Variants in UGGT2 observed in about 807,000 individuals in gnomAD.
UGGT2 encodes UDP-glucose glycoprotein glucosyltransferase 2.
A neutral mutation model predicts 192.1 loss-of-function variants in UGGT2; 180 were observed. That is an observed-to-expected ratio of 0.94 (90% CI 0.83 to 1.06). The LOEUF (loss-of-function observed/expected upper bound fraction) is 1.06, where lower values mean the gene tolerates loss of function less well. Among genes scored for constraint, UGGT2 ranks in the 50% least tolerant of loss-of-function variants. UGGT2 has a pLI of 0.00. For synonymous variants in UGGT2, 580 were observed against 591.0 expected (o/e 0.98, Z 0.27); for missense variants, 1,849 against 1,795.7 (o/e 1.03, Z -0.54).
chr13:95,918,088 C>G (rs1594322777), intron 20 of UGGT2, among the ~76,000 whole-genome samples: 4 of 152,328 alleles, frequency 2.6e-5, no homozygotes, highest in Admixed American at 2.6e-4. Context: ...AATATACATT[C>G]TTCTCATTGC....
chr13:95,883,019 T>C (rs1428126737), intron 27 of UGGT2, among the ~76,000 whole-genome samples: 1 of 152,148 alleles, frequency 6.6e-6, no homozygotes, highest in African/African-American at 2.4e-5. Flanking sequence ...TCATTAATGC[T>C]ATTAGTTTGC....
rs12863903 is a variant in UGGT2, at chr13:95,986,397, C to A, written c.967G>T (p.Ala323Ser). Residue 323 changes from alanine (A) to serine (S), a missense_variant, in exon 9 of 39, where the codon GCT becomes TCT. By Grantham distance (99) the Ala-to-Ser change is moderately conservative. Coordinates refer to ENST00000376747, the MANE Select transcript of UGGT2 (RefSeq NM_020121.4). ...AATTTAATGGAATCATAAACTGGAG[C>A]GGACATTATTTGAGAAGCTGCTTGA... Reference protein sequence around the residue: ...SFQAASQIMSAPVYDSIKLMK... With the variant: ...SFQAASQIMSSPVYDSIKLMK... 1.3e-6 allele frequency: 2 copies of A among 1,598,618 alleles called. No homozygotes were observed. The highest frequency in any genetic ancestry group is 2.3e-5 in the East Asian group (1 of 44,426).
chr13:95,850,130 T>C (rs1357697350), intron 36 of UGGT2, among the ~76,000 whole-genome samples: 2 of 152,186 alleles, frequency 1.3e-5, no homozygotes, highest in Non-Finnish European at 2.9e-5. Flanking sequence ...TCTTTTCTAA[T>C]GGAAGTTCTT....
At chr13:95,884,749 A>C in intron 26 of UGGT2, 69 bp from the exon 27 acceptor site, 3 of 1,421,594 alleles carry the variant, frequency 2.1e-6, no homozygotes, top group Non-Finnish European at 2.8e-6. Context: ...TATTTTCAAA[A>C]TTGAAAATTG....
At chr13:95,862,873 T>A (rs1049236329) in intron 31 of UGGT2, among the ~76,000 whole-genome samples, 2 of 152,136 alleles carry the variant, frequency 1.3e-5, no homozygotes, top group Non-Finnish European at 2.9e-5. Context: ...TATGTATGTT[T>A]CTTTTTCGAG....
intron 38 of UGGT2, among the ~76,000 whole-genome samples, chr13:95,825,510 G>A (rs547568196): frequency 1.3e-5 from 2 of 152,270 alleles, no homozygotes; most frequent in East Asian, 3.9e-4. Flanking sequence ...GCATGTTGAT[G>A]TTCTAAGGAG....
intron 38 of UGGT2, among the ~76,000 whole-genome samples, chr13:95,805,031 C>G (rs1429687114): frequency 6.6e-6 from 1 of 151,970 alleles, no homozygotes; most frequent in African/African-American, 2.4e-5. Context: ...ATCTGCAAAT[C>G]ATGTATCTGA....
intron 8 of UGGT2, among the ~76,000 whole-genome samples, chr13:95,986,800 GAA>G: frequency 6.6e-6 from 1 of 152,154 alleles, no homozygotes; most frequent in East Asian, 1.9e-4. Flanking sequence ...AGCCAATTCT[GAA>G]AAGACCTCTA....
At chr13:95,925,823 AAAAC>A in intron 19 of UGGT2, 49 bp from the exon 20 acceptor site, 1 of 1,352,930 alleles carries the variant, frequency 7.4e-7, no homozygotes, top group East Asian at 2.4e-5. Context: ...TTTAAAAAAT[AAAAC>A]AAAAGCAGGG....
At chr13:96,006,181 T>C (rs549812999) in intron 5 of UGGT2, among the ~76,000 whole-genome samples, 4 of 152,142 alleles carry the variant, frequency 2.6e-5, no homozygotes, top group Admixed American at 2.6e-4. Flanking sequence ...ATGAAAAAAG[T>C]AGAACATATG....
At chr13:95,928,200 C>T (rs1255205605) in intron 17 of UGGT2, among the ~76,000 whole-genome samples, 7 of 151,794 alleles carry the variant, frequency 4.6e-5, no homozygotes, top group African/African-American at 7.3e-5. Context: ...GACGGGGTGG[C>T]GGCCGGGCAG....
At chr13:95,936,442 G>A (rs2049465365) in intron 17 of UGGT2, among the ~76,000 whole-genome samples, 1 of 152,204 alleles carries the variant, frequency 6.6e-6, no homozygotes, top group Non-Finnish European at 1.5e-5. Flanking sequence ...CTGATCTGTG[G>A]TGTGCACAGT....
At chr13:96,052,213 A>C (rs1370477902) in intron 1 of UGGT2, among the ~76,000 whole-genome samples, 3 of 152,244 alleles carry the variant, frequency 2.0e-5, no homozygotes, top group Non-Finnish European at 4.4e-5. Flanking sequence ...GAAGTAAGTC[A>C]GAAATGGAAA....
chr13:95,903,187 A>G (rs1259511976), intron 20 of UGGT2, 127 bp from the exon 21 acceptor site: 2 of 823,792 alleles, frequency 2.4e-6, no homozygotes, highest in Non-Finnish European at 3.7e-6. Context: ...AAGCCCTCCC[A>G]TGTTTACTGT....
At chr13:95,969,466 G>C (rs1358423367) in intron 12 of UGGT2, among the ~76,000 whole-genome samples, 2 of 152,236 alleles carry the variant, frequency 1.3e-5, no homozygotes, top group African/African-American at 2.4e-5. Context: ...GATTGTTAAG[G>C]AAAGTTTCTC....
intron 10 of UGGT2, among the ~76,000 whole-genome samples, chr13:95,974,117 G>A (rs1398081895): frequency 6.6e-6 from 1 of 152,208 alleles, no homozygotes; most frequent in East Asian, 1.9e-4. Context: ...CTCAACAGAT[G>A]AGCTACACAC....
At chr13:96,022,939 A>G (rs942076983) in intron 4 of UGGT2, 101 bp downstream of exon 4, 11 of 667,712 alleles carry the variant, frequency 1.6e-5, no homozygotes, top group Non-Finnish European at 2.4e-5. Flanking sequence ...TTGAATATAC[A>G]ATGTCTTAGA....
chr13:95,914,126 T>C (rs1430691046), intron 20 of UGGT2, among the ~76,000 whole-genome samples: 1 of 151,930 alleles, frequency 6.6e-6, no homozygotes, highest in African/African-American at 2.4e-5. Flanking sequence ...AGGGATAGCA[T>C]TAGGAGACAT....
intron 38 of UGGT2, among the ~76,000 whole-genome samples, chr13:95,821,813 T>C (rs1354192416): frequency 6.6e-6 from 1 of 152,194 alleles, no homozygotes; most frequent in Non-Finnish European, 1.5e-5. Context: ...ATTTATTGAA[T>C]AGGGTGACCT....
Sources: gnomAD v4.1 joint callset for allele counts (sites outside exome capture counted in the v4.1 genomes callset) on GRCh38, gnomAD v4.1.1 for gene constraint, MANE v1.5 for transcripts, NCBI Gene and HGNC (gene_info 2026-07-23, HGNC 2026-07-21) for gene names.